NELL1: variants seen among roughly 807,000 people sequenced by gnomAD.
NELL1 encodes the protein neural EGFL like 1.
In NELL1, 76 loss-of-function variants were observed where a neutral mutation model predicts 107.4. The ratio of observed to expected loss-of-function variants is 0.71; its 90% CI spans 0.59 to 0.86. The LOEUF is 0.86. NELL1 is among the 40% of genes least tolerant of loss of function. The pLI is 0.00. For synonymous variants in NELL1, 353 were observed against 341.2 expected, an observed-to-expected ratio of 1.03 and a Z score of -0.38; for missense variants, 1,024 against 1,005.5, an observed-to-expected ratio of 1.02 and a Z score of -0.25.
chr11:20,862,808 C>T (rs977982675), intron 4 of NELL1, among the ~76,000 whole-genome samples: 14 of 152,134 alleles, frequency 9.2e-5, no homozygotes, highest in Non-Finnish European at 1.3e-4. Flanking sequence ...CGATGACTCT[C>T]AACGAGCATG....
intron 15 of NELL1, among the ~76,000 whole-genome samples, chr11:21,440,208 A>G (rs1185014888): frequency 1.3e-5 from 2 of 152,180 alleles, no homozygotes; most frequent in African/African-American, 4.8e-5. Flanking sequence ...ATGAATAGGC[A>G]CTAACTGAGT....
chr11:21,367,475 G>T (rs984455086), intron 14 of NELL1, among the ~76,000 whole-genome samples: 1 of 152,040 alleles, frequency 6.6e-6, no homozygotes, highest in Non-Finnish European at 1.5e-5. Flanking sequence ...AAGGAGTGAC[G>T]AGGAGTCCTC....
At chr11:21,123,895 G>A (rs527601975) in intron 13 of NELL1, among the ~76,000 whole-genome samples, 1 of 152,258 alleles carries the variant, frequency 6.6e-6, no homozygotes, top group South Asian at 2.1e-4. Context: ...AGAATATTAT[G>A]TGTCAATGGA....
intron 15 of NELL1, among the ~76,000 whole-genome samples, chr11:21,485,840 G>C (rs1465985001): frequency 1.3e-5 from 2 of 151,972 alleles, no homozygotes; most frequent in Admixed American, 1.3e-4. Flanking sequence ...TGACATCCAG[G>C]CGCCTGCAGA....
chr11:21,280,713 C>A (rs1047584373), intron 14 of NELL1, among the ~76,000 whole-genome samples: 1 of 151,950 alleles, frequency 6.6e-6, no homozygotes, highest in African/African-American at 2.4e-5. Context: ...CTCAGCAAAG[C>A]GGGCTAAAAT....
intron 15 of NELL1, among the ~76,000 whole-genome samples, chr11:21,425,774 A>T (rs1488198787): frequency 6.6e-6 from 1 of 152,196 alleles, no homozygotes; most frequent in African/African-American, 2.4e-5. Flanking sequence ...AGATAAAGAT[A>T]TTTTTGAGGA....
chr11:21,270,819 A>G lies in NELL1; in HGVS notation c.1549+41365A>G, dbSNP rs1018466166. ...CACATTTAAAAGAACAGAAATTATC[A>G]TACAATATCTGCATTCATGCCACAA... On this transcript the variant is annotated intron_variant, in intron 14 of 19. Coordinates refer to ENST00000357134, the MANE Select transcript of NELL1 (RefSeq NM_006157.5). Among the ~76,000 whole-genome samples, 5 of 152,042 alleles carry G rather than the reference A, an allele frequency of 3.3e-5. No individual in the cohort carries two copies. The East Asian group carries it at 9.6e-4, about 29-fold the overall frequency.
At chr11:21,126,678 C>T (rs1855493233) in intron 13 of NELL1, among the ~76,000 whole-genome samples, 2 of 152,176 alleles carry the variant, frequency 1.3e-5, no homozygotes, top group Admixed American at 6.5e-5. Context: ...CCTCACCTTA[C>T]TAAGTAGCTC....
chr11:20,831,591 G>T (rs1222866825), intron 3 of NELL1, among the ~76,000 whole-genome samples: 3 of 152,252 alleles, frequency 2.0e-5, no homozygotes, highest in African/African-American at 7.2e-5. Flanking sequence ...AGGTGGGGGG[G>T]ACCCTGGATA....
intron 3 of NELL1, among the ~76,000 whole-genome samples, chr11:20,830,352 A>G (rs756019789): frequency 3.9e-5 from 6 of 151,916 alleles, no homozygotes; most frequent in Non-Finnish European, 5.9e-5. Flanking sequence ...TGTTTATGGA[A>G]GAAGGAGAAA....
rs564480737 is a variant in NELL1, at chr11:21,275,481, G to A, written c.1549+46027G>A. Among the ~76,000 whole-genome samples, 35 of 152,278 alleles carry A rather than the reference G, an allele frequency of 2.3e-4. 1 individual carries two copies. In the South Asian group the frequency reaches 6.8e-3, roughly 30 times the overall value. ...AATTCTACCAGAGGTACAAGGAGGA[G>A]CTGGTACCATTCCTTCTGAAACTGT... On this transcript the variant is annotated intron_variant, in intron 14 of 19. Transcript: ENST00000357134.
intron 12 of NELL1, among the ~76,000 whole-genome samples, chr11:21,015,616 C>T (rs1048964733): frequency 2.0e-5 from 3 of 152,074 alleles, no homozygotes; most frequent in Non-Finnish European, 4.4e-5. Flanking sequence ...TCAGCAGCTT[C>T]TGAAACACCT....
At chr11:21,331,539 C>T (rs917768282) in intron 14 of NELL1, among the ~76,000 whole-genome samples, 2 of 152,096 alleles carry the variant, frequency 1.3e-5, no homozygotes, top group Admixed American at 6.6e-5. Context: ...CTTGACTCTT[C>T]CCTTCTTTGG....
intron 12 of NELL1, among the ~76,000 whole-genome samples, chr11:21,019,465 T>C (rs987058553): frequency 6.6e-5 from 10 of 152,100 alleles, no homozygotes; most frequent in African/African-American, 2.4e-4. Flanking sequence ...CATTCTGCAC[T>C]CTGCGAGGCA....
intron 13 of NELL1, among the ~76,000 whole-genome samples, chr11:21,204,088 T>A (rs1432114235): frequency 1.3e-5 from 2 of 152,146 alleles, no homozygotes; most frequent in Non-Finnish European, 2.9e-5. Context: ...ATTATGTGTC[T>A]TGGGGTTGCT....
intron 13 of NELL1, among the ~76,000 whole-genome samples, chr11:21,115,773 C>A (rs2133733104): frequency 6.6e-6 from 1 of 151,964 alleles, no homozygotes; most frequent in Middle Eastern, 3.4e-3. Context: ...ATCAAGTAAC[C>A]ATTGTTACAG....
chr11:21,230,938 T>C (rs750181684), intron 14 of NELL1, among the ~76,000 whole-genome samples: 4 of 152,182 alleles, frequency 2.6e-5, no homozygotes, highest in Non-Finnish European at 4.4e-5. Context: ...GGGGGAAATG[T>C]GCATAGAATT....
intron 12 of NELL1, among the ~76,000 whole-genome samples, chr11:20,967,300 A>G (rs563676053): frequency 1.3e-5 from 2 of 152,082 alleles, no homozygotes; most frequent in Non-Finnish European, 2.9e-5. Flanking sequence ...TAGTTTGCTT[A>G]ATTATGCTTC....
At chr11:20,982,590 T>C (rs986919328) in intron 12 of NELL1, among the ~76,000 whole-genome samples, 2 of 152,220 alleles carry the variant, frequency 1.3e-5, no homozygotes, top group Non-Finnish European at 2.9e-5. Context: ...AGATATAGGA[T>C]GTTATTCATA....
Sources: gnomAD v4.1 joint callset for allele counts (sites outside exome capture counted in the v4.1 genomes callset) on GRCh38, gnomAD v4.1.1 for gene constraint, MANE v1.5 for transcripts, NCBI Gene and HGNC (gene_info 2026-07-23, HGNC 2026-07-21) for gene names.